GRM7: variants seen among roughly 807,000 people sequenced by gnomAD.
GRM7 encodes glutamate metabotropic receptor 7.
Under a neutral mutation model 84.5 loss-of-function variants are expected in GRM7, and 35 were observed. That is an observed-to-expected ratio of 0.41 (90% confidence interval 0.32 to 0.55). The LOEUF (loss-of-function observed/expected upper bound fraction) is 0.55, where lower values mean the gene tolerates loss of function less well. Among genes scored for constraint, GRM7 ranks in the 20% least tolerant of loss-of-function variants. GRM7 has a pLI of 0.19. For missense variants in GRM7, 1,003 were observed against 1,194.6 expected, an observed-to-expected ratio of 0.84 and a Z score of 2.36; for synonymous variants, 487 against 455.1, an observed-to-expected ratio of 1.07 and a Z score of -0.89.
chr3:7,001,626 A>C (rs757798226), intron 1 of GRM7, among the ~76,000 whole-genome samples: 3 of 152,232 alleles, frequency 2.0e-5, no homozygotes, highest in Non-Finnish European at 2.9e-5. Context: ...AGCAAGTTAC[A>C]GATAAATTGA....
chr3:7,081,171 T>C (rs1270687429), intron 1 of GRM7, among the ~76,000 whole-genome samples: 3 of 152,104 alleles, frequency 2.0e-5, no homozygotes, highest in Non-Finnish European at 2.9e-5. Context: ...CCTCACGTTA[T>C]TGCATTTTTC....
intron 7 of GRM7, among the ~76,000 whole-genome samples, chr3:7,521,789 G>T (rs533625576): frequency 6.6e-6 from 1 of 152,100 alleles, no homozygotes; most frequent in East Asian, 1.9e-4. Context: ...AAAGAACGCC[G>T]AGTAGCCCTC....
intron 7 of GRM7, among the ~76,000 whole-genome samples, chr3:7,478,268 G>A (rs752298): frequency 0.31 from 47,835 of 151,946 alleles, 7,703 homozygotes; most frequent in East Asian, 0.38. Flanking sequence ...TTGAAAAACC[G>A]TATGTTCTTG....
At chr3:7,689,606 G>A (rs761143305) in intron 9 of GRM7, among the ~76,000 whole-genome samples, 51 of 152,224 alleles carry the variant, frequency 3.4e-4, no homozygotes, top group Non-Finnish European at 6.0e-4. Flanking sequence ...TGCCGTCTTG[G>A]TTCTGCAACT....
chr3:7,619,306 G>C (rs937904095), intron 8 of GRM7, among the ~76,000 whole-genome samples: 1 of 152,118 alleles, frequency 6.6e-6, no homozygotes, highest in East Asian at 1.9e-4. Flanking sequence ...GAAGAATTGG[G>C]ATGTTACTCA....
intron 8 of GRM7, among the ~76,000 whole-genome samples, chr3:7,643,965 A>G (rs1698485754): frequency 6.6e-6 from 1 of 151,774 alleles, no homozygotes; most frequent in South Asian, 2.1e-4. Flanking sequence ...GTGGTCTTGG[A>G]GAGAAGATCA....
Position 7,686,139 on chromosome 3 carries a change from A to G in GRM7, c.2698+5844A>G, listed in dbSNP as rs3804834. Among the ~76,000 whole-genome samples, 723 of 152,242 alleles carry G rather than the reference A, an allele frequency of 4.7e-3. 17 individuals are homozygous for G. The East Asian group carries it at 0.091, about 19-fold the overall frequency. On this transcript the variant is annotated intron_variant, in intron 9 of 9. Transcript: ENST00000357716. ...GTTCTAACTCAAGCAAGTAAAACCC[A>G]ACTCCCTTAACTCAAGAGGCACCAG...
intron 4 of GRM7, among the ~76,000 whole-genome samples, chr3:7,348,625 C>T (rs556544643): frequency 6.6e-6 from 1 of 152,124 alleles, no homozygotes; most frequent in Non-Finnish European, 1.5e-5. Context: ...GACCCAGACT[C>T]CTCTGATCAC....
intron 1 of GRM7, among the ~76,000 whole-genome samples, chr3:7,095,747 G>T (rs935627585): frequency 2.0e-5 from 3 of 151,936 alleles, no homozygotes; most frequent in South Asian, 4.2e-4. Context: ...TATGACTTCT[G>T]TGCCCATGTA....
intron 2 of GRM7, among the ~76,000 whole-genome samples, chr3:7,172,876 C>T (rs965170): frequency 0.24 from 36,274 of 151,718 alleles, 4,495 homozygotes; most frequent in Non-Finnish European, 0.27. Context: ...GCCCCACTGT[C>T]AAGAATATTG....
intron 2 of GRM7, among the ~76,000 whole-genome samples, chr3:7,206,881 C>T (rs13320624): frequency 6.6e-6 from 1 of 151,958 alleles, no homozygotes; most frequent in East Asian, 1.9e-4. Flanking sequence ...GACTCAGAAC[C>T]CCCAGGTGTT....
At chr3:7,041,779 A>T (rs1360567593) in intron 1 of GRM7, among the ~76,000 whole-genome samples, 1 of 152,184 alleles carries the variant, frequency 6.6e-6, no homozygotes, top group Non-Finnish European at 1.5e-5. Flanking sequence ...GATGGGTGGC[A>T]GCCCCTAGGT....
At chr3:7,044,653 G>A (rs913711827) in intron 1 of GRM7, among the ~76,000 whole-genome samples, 1 of 152,058 alleles carries the variant, frequency 6.6e-6, no homozygotes, top group Admixed American at 6.6e-5. Flanking sequence ...CCCTTAATTA[G>A]CCATTTCAGA....
At chr3:7,484,996 G>A (rs952968406) in intron 7 of GRM7, among the ~76,000 whole-genome samples, 10 of 152,182 alleles carry the variant, frequency 6.6e-5, no homozygotes, top group Admixed American at 5.9e-4. Flanking sequence ...GGAGAGATCT[G>A]CATGGCAAGG....
chr3:7,395,921 C>A (rs367608458), intron 4 of GRM7, among the ~76,000 whole-genome samples: 3 of 151,952 alleles, frequency 2.0e-5, no homozygotes, highest in African/African-American at 7.3e-5. Flanking sequence ...AATCTTCTCA[C>A]GCAGATAAAT....
intron 4 of GRM7, among the ~76,000 whole-genome samples, chr3:7,312,237 AC>A (rs1442008079): frequency 6.6e-6 from 1 of 152,120 alleles, no homozygotes; most frequent in African/African-American, 2.4e-5. Flanking sequence ...AGATGTCTGA[AC>A]AGCTCTGACA....
chr3:7,728,175 A>G lies in GRM7; in HGVS notation c.2699-12182A>G, dbSNP rs148354794. On this transcript the variant is annotated intron_variant, in intron 9 of 9. Coordinates refer to ENST00000357716, the MANE Select transcript of GRM7 (RefSeq NM_000844.4). ...AGAAAAAGTAGCTCCAGCCTCAAGG[A>G]TGCTTTCATAAGAGGACATTGTTCC... 1.8e-3 allele frequency among the ~76,000 whole-genome samples: 268 copies of G among 152,272 alleles called. 1 individual carries two copies. The highest frequency in any genetic ancestry group is 6.2e-3 in the African/African-American group (256 of 41,568).
In GRM7 at chr3:6,917,519, AG is replaced by A. The variant is rs369799144; in HGVS notation, c.519+55613del. ...CTTTTTTTTTTTTTTTTTTGGAAAG[AG>A]AAGATGGATGTTTGTAATAAACTTA... On this transcript the variant is annotated intron_variant, in intron 1 of 9. Coordinates refer to ENST00000357716, the MANE Select transcript of GRM7 (RefSeq NM_000844.4). Among the ~76,000 whole-genome samples, 540 of 143,670 alleles carry A rather than the reference AG, an allele frequency of 3.8e-3. 9 individuals are homozygous for A. The highest frequency in any genetic ancestry group is 0.014 in the African/African-American group (520 of 38,174). The allele number at this position is 143,670 out of a possible 152,430, so 94.3% of individuals were successfully genotyped here.
At chr3:7,334,631 A>G (rs1418978633) in intron 4 of GRM7, among the ~76,000 whole-genome samples, 3 of 152,156 alleles carry the variant, frequency 2.0e-5, no homozygotes, top group African/African-American at 7.2e-5. Flanking sequence ...ATGGCAGAAC[A>G]GATTAAAAGT....
Sources: allele counts gnomAD v4.1 joint callset (sites outside exome capture counted in the v4.1 genomes callset), GRCh38; gene constraint gnomAD v4.1.1; transcripts MANE v1.5; gene names NCBI Gene and HGNC (gene_info 2026-07-23, HGNC 2026-07-21).